The following ZNF385D variants were observed in gnomAD, a reference collection of about 807,000 sequenced individuals.
The protein encoded by ZNF385D is zinc finger protein 659.
In ZNF385D, 15 loss-of-function variants were observed where a neutral mutation model predicts 35.8. That is an observed-to-expected ratio of 0.42 (90% CI 0.28 to 0.64). The LOEUF (loss-of-function observed/expected upper bound fraction) is 0.64. Ranked by LOEUF, ZNF385D falls within the 30% of genes least tolerant of loss-of-function variation. The pLI, the probability that ZNF385D is intolerant of heterozygous loss-of-function variation, is 0.23. For synonymous variants in ZNF385D, 212 were observed against 186.8 expected (o/e 1.13, Z -1.10); for missense variants, 474 against 494.6 (o/e 0.96, Z 0.39).
intron 4 of ZNF385D, among the ~76,000 whole-genome samples, chr3:21,484,114 C>T (rs151296745): frequency 8.1e-4 from 123 of 152,240 alleles, no homozygotes; most frequent in African/African-American, 3.0e-3. Context: ...ATATAAGGAG[C>T]AGTCATGCCT....
chr3:21,798,081 T>A (rs2072233728), intron 3 of ZNF385D, among the ~76,000 whole-genome samples: 1 of 152,152 alleles, frequency 6.6e-6, no homozygotes, highest in Middle Eastern at 3.2e-3. Context: ...CAAATGTACC[T>A]CTCTGGTGGG....
intron 2 of ZNF385D, among the ~76,000 whole-genome samples, chr3:22,217,507 C>T (rs1697962114): frequency 6.6e-6 from 1 of 152,108 alleles, no homozygotes; most frequent in Non-Finnish European, 1.5e-5. Flanking sequence ...TACAATGACC[C>T]TGTTTCCAAA....
intron 2 of ZNF385D, among the ~76,000 whole-genome samples, chr3:21,606,696 A>T (rs2064494563): frequency 6.6e-6 from 1 of 152,238 alleles, no homozygotes; most frequent in Non-Finnish European, 1.5e-5. Context: ...ATAGGAAGCC[A>T]TCTGCAAGAC....
chr3:21,580,807 G>A (rs1210015792), intron 2 of ZNF385D, among the ~76,000 whole-genome samples: 10 of 150,862 alleles, frequency 6.6e-5, no homozygotes, highest in African/African-American at 2.4e-4. Context: ...CTATGTGTGT[G>A]TATATATATA....
intron 3 of ZNF385D, among the ~76,000 whole-genome samples, chr3:22,124,648 G>C (rs1333215585): frequency 2.0e-5 from 3 of 151,984 alleles, no homozygotes; most frequent in Non-Finnish European, 4.4e-5. Context: ...GCTGTAGTTT[G>C]GATTTGCATT....
chr3:22,107,130 T>G (rs1052633526), intron 3 of ZNF385D, among the ~76,000 whole-genome samples: 2 of 149,436 alleles, frequency 1.3e-5, no homozygotes, highest in Admixed American at 1.3e-4. Context: ...ATTCAAGCGA[T>G]TCTCCTGCCT....
intron 2 of ZNF385D, among the ~76,000 whole-genome samples, chr3:22,307,104 T>TC (rs1703269294): frequency 6.6e-6 from 1 of 152,026 alleles, no homozygotes; most frequent in Non-Finnish European, 1.5e-5. Context: ...ACAGGAATAG[T>TC]CCCAAAGTTT....
At chr3:22,067,242 C>T (rs112524349) in intron 3 of ZNF385D, among the ~76,000 whole-genome samples, 31 of 152,274 alleles carry the variant, frequency 2.0e-4, no homozygotes, top group African/African-American at 6.7e-4. Flanking sequence ...TCTTTTATGA[C>T]TGGAGACATT....
At chr3:21,858,787 T>C (rs916303750) in intron 3 of ZNF385D, among the ~76,000 whole-genome samples, 3 of 152,126 alleles carry the variant, frequency 2.0e-5, no homozygotes, top group African/African-American at 7.2e-5. Context: ...TCTACATAAG[T>C]TCTCCACGTA....
At chr3:22,133,398 G>C (rs1009696022) in intron 3 of ZNF385D, among the ~76,000 whole-genome samples, 4 of 151,984 alleles carry the variant, frequency 2.6e-5, no homozygotes, top group African/African-American at 9.7e-5. Flanking sequence ...AAGACAGGGA[G>C]GGAAGGAGAG....
intron 2 of ZNF385D, among the ~76,000 whole-genome samples, chr3:22,322,556 C>A (rs1694490727): frequency 6.6e-6 from 1 of 152,160 alleles, no homozygotes; most frequent in Non-Finnish European, 1.5e-5. Context: ...TTCTCACCGA[C>A]CCAGCCCTTT....
At chr3:21,532,954 T>C (rs1443972475) in intron 3 of ZNF385D, among the ~76,000 whole-genome samples, 1 of 152,222 alleles carries the variant, frequency 6.6e-6, no homozygotes, top group Non-Finnish European at 1.5e-5. Context: ...TTCATGCAAC[T>C]GCTTCACACA....
At chr3:22,192,397 T>C (rs1232643587) in intron 2 of ZNF385D, among the ~76,000 whole-genome samples, 1 of 152,156 alleles carries the variant, frequency 6.6e-6, no homozygotes, top group East Asian at 1.9e-4. Flanking sequence ...ATTCATGCTG[T>C]CATATAGTCC....
chr3:21,953,321 G>C (rs1330144926), intron 3 of ZNF385D, among the ~76,000 whole-genome samples: 1 of 150,906 alleles, frequency 6.6e-6, no homozygotes, highest in Non-Finnish European at 1.5e-5. Flanking sequence ...TTTAGTTTTT[G>C]GATGACAGTA....
At chr3:21,452,663 G>A (rs1418566984) in intron 4 of ZNF385D, among the ~76,000 whole-genome samples, 1 of 151,830 alleles carries the variant, frequency 6.6e-6, no homozygotes, top group African/African-American at 2.4e-5. Flanking sequence ...TAAAGTGTAA[G>A]ACTTGTATAC....
chr3:21,602,757 T>C (rs553798791), intron 2 of ZNF385D, among the ~76,000 whole-genome samples: 2 of 150,970 alleles, frequency 1.3e-5, no homozygotes, highest in African/African-American at 2.4e-5. Context: ...ATGGTCTCGA[T>C]CTCCTAACCT....
rs144360226 is a variant in ZNF385D, at chr3:21,807,753, G to A, written c.326-142725C>T. Among the ~76,000 whole-genome samples the A allele has an allele frequency of 9.1e-4, 139 of 152,190 alleles. 1 individual carries two copies. Among genetic ancestry groups the A allele is most frequent in the African/African-American group, 1.8e-3 (76 of 41,546 alleles). Reference sequence around the variant, plus strand: ...TTTGTATAATTTCTTGAGCTTTTCAGAACATCAACTTCTATTTTTCAATGG... The same window carrying A: ...TTTGTATAATTTCTTGAGCTTTTCAAAACATCAACTTCTATTTTTCAATGG... On this transcript the variant is annotated intron_variant, in intron 3 of 5. Transcript: ENST00000494108.
In ZNF385D at chr3:22,288,917, G is replaced by A. The variant is rs78558625; in HGVS notation, c.106+83533C>T. Reference sequence around the variant, plus strand: ...CCTAAAGTGCCTCTCAAATCTCTGTGTTTGTCCAAACTGCTGACTCTGTTT... The same window carrying A: ...CCTAAAGTGCCTCTCAAATCTCTGTATTTGTCCAAACTGCTGACTCTGTTT... On this transcript the variant is annotated intron_variant, in intron 2 of 5. Transcript: ENST00000494108. 2.2e-3 allele frequency among the ~76,000 whole-genome samples: 328 copies of A among 152,214 alleles called. 4 individuals are homozygous for A. Among genetic ancestry groups the A allele is most frequent in the African/African-American group, 6.9e-3 (285 of 41,556 alleles).
At chr3:22,243,238 G>A (rs1699591429) in intron 2 of ZNF385D, among the ~76,000 whole-genome samples, 1 of 150,756 alleles carries the variant, frequency 6.6e-6, no homozygotes, top group Non-Finnish European at 1.5e-5. Context: ...ACTTCTCCAA[G>A]ACATATATAA....
Sources: allele counts gnomAD v4.1 joint callset (sites outside exome capture counted in the v4.1 genomes callset), GRCh38; gene constraint gnomAD v4.1.1; transcripts MANE v1.5; gene names NCBI Gene and HGNC (gene_info 2026-07-23, HGNC 2026-07-21).